The following PGAP3 variants were observed in gnomAD, a reference collection of about 807,000 sequenced individuals.
The protein encoded by PGAP3 is GPI-specific phospholipase A2-like PGAP3.
In PGAP3, 31 loss-of-function variants were observed where a neutral mutation model predicts 40.3. That is an observed-to-expected ratio of 0.77 (90% CI 0.58 to 1.04). PGAP3 has a LOEUF of 1.04. PGAP3 is among the 50% of genes least tolerant of loss of function. The pLI is 0.00. For synonymous variants in PGAP3, 191 were observed against 184.5 expected (o/e 1.04, Z -0.29); for missense variants, 413 against 423.0 (o/e 0.98, Z 0.21).
intron 1 of PGAP3, among the ~76,000 whole-genome samples, 200 bp downstream of exon 1, chr17:39,687,634 T>C (rs1289343266): frequency 6.6e-6 from 1 of 152,194 alleles, no homozygotes; most frequent in Non-Finnish European, 1.5e-5. Flanking sequence ...AAATACCCTT[T>C]TGACTGAACA....
At position 39,673,158 on chromosome 17, in the gene PGAP3, C is replaced by T. The variant is rs1477897371; in HGVS notation, c.792G>A (p.Gln264=). 5 of 1,595,446 alleles carry T rather than the reference C, an allele frequency of 3.1e-6. No homozygotes were observed. Among genetic ancestry groups the T allele is most frequent in the Non-Finnish European group, 2.6e-6 (3 of 1,171,824 alleles). The change falls in exon 7 of 8, where the codon CAG becomes CAA. Residue 264 remains glutamine (Q), a synonymous_variant. Coordinates refer to ENST00000300658, the MANE Select transcript of PGAP3 (RefSeq NM_033419.5). The part of the protein sequence containing the change: ...RKCVVVVLLL[Q]GLSLLELLDF... ...CAAGCAGCTCGAGCAGGGACAGCCCCTGCAGCAGCAAGACCACCACCACGC... is the reference window on the plus strand; with the variant it reads ...CAAGCAGCTCGAGCAGGGACAGCCCTTGCAGCAGCAAGACCACCACCACGC...
chr17:39,678,450 T>C (rs1171091935), intron 3 of PGAP3, among the ~76,000 whole-genome samples: 1 of 152,042 alleles, frequency 6.6e-6, no homozygotes, highest in Non-Finnish European at 1.5e-5. Flanking sequence ...TTTGGTAGGC[T>C]CCCCACCCGC....
At chr17:39,677,251 A>C (rs1196571450) in intron 3 of PGAP3, among the ~76,000 whole-genome samples, 1 of 152,184 alleles carries the variant, frequency 6.6e-6, no homozygotes. Context: ...CCTGGTCCAT[A>C]GTAGGTGCCC....
intron 3 of PGAP3, chr17:39,676,650 G>C (rs1282214924): frequency 6.6e-6 from 1 of 152,172 alleles, no homozygotes; most frequent in Non-Finnish European, 1.5e-5. Context: ...GTATCATTAA[G>C]AATGCAAGCC....
chr17:39,681,454 C>T (rs2057439081), intron 3 of PGAP3, among the ~76,000 whole-genome samples: 2 of 152,080 alleles, frequency 1.3e-5, no homozygotes, highest in Admixed American at 6.6e-5. Context: ...GCACTAGACC[C>T]AAGAGACCAG....
chr17:39,687,155 T>G (rs1218230648), intron 1 of PGAP3, among the ~76,000 whole-genome samples: 1 of 152,198 alleles, frequency 6.6e-6, no homozygotes, highest in East Asian at 1.9e-4. Context: ...AGGACAAGCT[T>G]GTGGTCAAAC....
At chr17:39,678,987 C>T (rs1018246) in intron 3 of PGAP3, among the ~76,000 whole-genome samples, 88,602 of 151,858 alleles carry the variant, frequency 0.58, 26,837 homozygotes, top group South Asian at 0.7. Context: ...TGGAGTCTCG[C>T]CCAGTCACCC....
Position 39,672,103 on chromosome 17 carries a change from A to T in PGAP3, c.*700T>A, listed in dbSNP as rs2057313316. ...ATGCTCACGGCCCTGTCACCTATGC[A>T]CTCAGCCTGGCCCACACTCCCGACA... On this transcript the variant is annotated 3_prime_UTR_variant, in exon 8 of 8. Coordinates refer to ENST00000300658, the MANE Select transcript of PGAP3 (RefSeq NM_033419.5). The T allele has an allele frequency of 6.5e-6, 1 of 153,678 alleles. No individual in the cohort carries two copies. Among genetic ancestry groups the T allele is most frequent in the Non-Finnish European group, 1.4e-5 (1 of 69,068 alleles). 9.5% of individuals were successfully genotyped at this position (153,678 alleles called of 1,614,324 possible).
chr17:39,673,934 T>C, intron 5 of PGAP3, 59 bp downstream of exon 5: 1 of 1,559,184 alleles, frequency 6.4e-7, no homozygotes, highest in Non-Finnish European at 8.8e-7. Flanking sequence ...GAAGGCTGGG[T>C]GACCCCTTTC....
intron 3 of PGAP3, among the ~76,000 whole-genome samples, chr17:39,679,925 C>T (rs1597820638): frequency 1.3e-5 from 2 of 152,182 alleles, no homozygotes; most frequent in African/African-American, 2.4e-5. Context: ...TAAACCTCTC[C>T]TCCTCCCCGG....
In PGAP3 at chr17:39,672,754, A is replaced by G. The variant is rs1238232475; in HGVS notation, c.*49T>C. The G allele has an allele frequency of 1.3e-6, 2 of 1,563,576 alleles. No individual in the cohort carries two copies. Among genetic ancestry groups the G allele is most frequent in the African/African-American group, 1.4e-5 (1 of 73,852 alleles). ...AAGGGTTGAGGGGAGAAGGGAGGCC[A>G]GCAGGGCGGGGGCAGGATCCCCACT... On this transcript the variant is annotated 3_prime_UTR_variant, in exon 8 of 8. Coordinates refer to ENST00000300658, the MANE Select transcript of PGAP3 (RefSeq NM_033419.5).
chr17:39,685,979 C>T lies in PGAP3; in HGVS notation c.222G>A (p.Trp74Ter). Residue 74 changes from tryptophan (W) to a stop codon, truncating the protein, a stop_gained, in exon 2 of 8, where the codon TGG becomes TGA. Coordinates refer to ENST00000300658, the MANE Select transcript of PGAP3 (RefSeq NM_033419.5). LOFTEE classifies it high-confidence loss of function. ...CRDDCKYECMWVTVGLYLQEG... is the reference protein window; with the variant it reads ...CRDDCKYECM ...CCTGGAGGTAGAGCCCAACGGTGAC[C>T]CACATACACTCATACTTACAGTCGT... is the stretch of plus-strand genomic sequence containing the variant. The T allele has an allele frequency of 6.2e-7, 1 of 1,613,444 alleles. No homozygotes were observed. Among genetic ancestry groups the T allele is most frequent in the Non-Finnish European group, 8.5e-7 (1 of 1,179,560 alleles).
rs534420813 is a variant in PGAP3, at chr17:39,674,806, C to A, written c.433-127G>T. ...CAGGACAAGAAATGTGCTTTTCCTG[C>A]CCCTGGAGCCCTCTGAACAAACCTA... On this transcript the variant is annotated intron_variant, in intron 3 of 7. Coordinates refer to ENST00000300658, the MANE Select transcript of PGAP3 (RefSeq NM_033419.5). 6.4e-6 allele frequency: 6 copies of A among 937,190 alleles called. No homozygotes were observed. The South Asian group carries it at 1.0e-4, about 16-fold the overall frequency. The allele number at this position is 937,190 out of a possible 1,614,324, so 58.1% of individuals were successfully genotyped here. A position where few individuals can be genotyped will look rare whatever the true frequency, so the allele number is the denominator to read the frequency against.
intron 3 of PGAP3, among the ~76,000 whole-genome samples, chr17:39,681,476 GTCAC>G (rs1413155578): frequency 6.6e-6 from 1 of 152,042 alleles, no homozygotes; most frequent in African/African-American, 2.4e-5. Context: ...CAAAAATGAA[GTCAC>G]TCATGCTAAA....
chr17:39,687,784 G>A (rs1259044014), intron 1 of PGAP3, 50 bp downstream of exon 1: 1 of 1,295,402 alleles, frequency 7.7e-7, no homozygotes, highest in Middle Eastern at 2.5e-4. Context: ...GGGGCGCAGG[G>A]GGCGGGAGCA....
rs2057343060 is a variant in PGAP3, at chr17:39,673,936, AC to A, written c.557+56del. ...AAGGCCCCCAGGGGAAGGCTGGGTG[AC>A]CCCTTTCTGCCCCCAGGGTTCGATT... On this transcript the variant is annotated intron_variant, in intron 5 of 7. Transcript: ENST00000300658. 1.9e-6 allele frequency: 3 copies of A among 1,563,214 alleles called. No homozygotes were observed. In the African/African-American group the frequency reaches 4.1e-5, roughly 21 times the overall value.
chr17:39,673,810 C>T, intron 5 of PGAP3, 160 bp from the exon 6 acceptor site: 4 of 1,231,418 alleles, frequency 3.2e-6, no homozygotes, highest in Non-Finnish European at 4.5e-6. Flanking sequence ...GCTACAGCTC[C>T]TTGTCAGGAG....
chr17:39,677,075 A>T lies in PGAP3; in HGVS notation c.433-2396T>A, dbSNP rs2934951. Among the ~76,000 whole-genome samples the T allele has an allele frequency of 9.2e-5, 14 of 152,110 alleles. 1 individual carries two copies. The East Asian group carries it at 2.7e-3, about 29-fold the overall frequency. On this transcript the variant is annotated intron_variant, in intron 3 of 7. Transcript: ENST00000300658. Reference sequence around the variant, plus strand: ...GCATTCAAGTCCTGCCTCAGCCCCTACGCAGCTGTGTGACCTTGGACACAT... The same window carrying T: ...GCATTCAAGTCCTGCCTCAGCCCCTTCGCAGCTGTGTGACCTTGGACACAT...
chr17:39,681,544 TG>T (rs2057440355), intron 3 of PGAP3, among the ~76,000 whole-genome samples: 1 of 152,116 alleles, frequency 6.6e-6, no homozygotes, highest in South Asian at 2.1e-4. Flanking sequence ...GTTTCACTGT[TG>T]TTGCCCAGGC....
Sources: allele counts gnomAD v4.1 joint callset (sites outside exome capture counted in the v4.1 genomes callset), GRCh38; gene constraint gnomAD v4.1.1; transcripts MANE v1.5; gene names NCBI Gene and HGNC (gene_info 2026-07-23, HGNC 2026-07-21).